Variants in FILIP1 observed in about 807,000 individuals in gnomAD.
FILIP1 encodes the protein filamin A interacting protein 1.
In FILIP1, 61 loss-of-function variants were observed where a neutral mutation model predicts 102.1. The ratio of observed to expected loss-of-function variants is 0.60; its 90% CI spans 0.49 to 0.74. FILIP1 has a LOEUF of 0.74. FILIP1 is among the 30% of genes least tolerant of loss of function. FILIP1 has a pLI of 0.00. For synonymous variants in FILIP1, 491 were observed against 526.9 expected (o/e 0.93, Z 0.93); for missense variants, 1,314 against 1,441.2 (o/e 0.91, Z 1.43).
At chr6:75,322,946 G>GA (rs1773713622) in intron 4 of FILIP1, among the ~76,000 whole-genome samples, 1 of 152,032 alleles carries the variant, frequency 6.6e-6, no homozygotes, top group Non-Finnish European at 1.5e-5. Context: ...CACCCACCTC[G>GA]GCCTCCCAAA....
downstream of FILIP1, among the ~76,000 whole-genome samples, chr6:75,305,331 G>A (rs1368010794): frequency 6.6e-6 from 1 of 152,170 alleles, no homozygotes; most frequent in Non-Finnish European, 1.5e-5. Flanking sequence ...TGGGGAATGA[G>A]AAATTTAAAT....
chr6:75,359,848 C>T (rs1460566587), intron 3 of FILIP1, among the ~76,000 whole-genome samples: 4 of 152,102 alleles, frequency 2.6e-5, no homozygotes, highest in African/African-American at 2.4e-5. Flanking sequence ...CCCTCTAAAG[C>T]GATGGGCTTC....
chr6:75,299,556 G>A (rs1397971176), intron 6 of FILIP1, among the ~76,000 whole-genome samples: 1 of 152,052 alleles, frequency 6.6e-6, no homozygotes, highest in African/African-American at 2.4e-5. Context: ...ATATACATAT[G>A]AGACACTGAG....
At chr6:75,323,002 A>C (rs1773715496) in intron 4 of FILIP1, among the ~76,000 whole-genome samples, 1 of 152,180 alleles carries the variant, frequency 6.6e-6, no homozygotes, top group African/African-American at 2.4e-5. Context: ...CCAAAATTAT[A>C]CTTTTTAACT....
chr6:75,386,133 G>C (rs1776088151), intron 2 of FILIP1: 1 of 152,134 alleles, frequency 6.6e-6, no homozygotes, highest in Non-Finnish European at 1.5e-5. Flanking sequence ...AAAAATTATT[G>C]TTTCAGACAA....
intron 1 of FILIP1, among the ~76,000 whole-genome samples, chr6:75,480,050 T>C (rs1450836095): frequency 6.6e-6 from 1 of 152,046 alleles, no homozygotes; most frequent in Non-Finnish European, 1.5e-5. Context: ...TATGTTTTAC[T>C]GGCTTTTTGT....
At chr6:75,415,884 A>G (rs1204611721) in intron 1 of FILIP1, among the ~76,000 whole-genome samples, 1 of 152,154 alleles carries the variant, frequency 6.6e-6, no homozygotes, top group African/African-American at 2.4e-5. Flanking sequence ...TCTCTGAGCA[A>G]AAGAATTCTA....
intron 4 of FILIP1, among the ~76,000 whole-genome samples, chr6:75,333,265 A>G (rs974157387): frequency 1.2e-4 from 18 of 152,218 alleles, no homozygotes; most frequent in African/African-American, 4.3e-4. Flanking sequence ...TTTTTGAATT[A>G]TTATGTTAAC....
Position 75,393,441 on chromosome 6 carries a change from G to A in FILIP1, c.276+21256C>T, listed in dbSNP as rs58520270. ...AAAGATCTTTTAAGTAAAAAGCCAA[G>A]TTTTTAAAAAGTAAAAAAGAATATT... On this transcript the variant is annotated intron_variant, in intron 2 of 5. Transcript: ENST00000237172. 3.7e-3 allele frequency among the ~76,000 whole-genome samples: 560 copies of A among 152,164 alleles called. 1 individual carries two copies. The highest frequency in any genetic ancestry group is 0.013 in the African/African-American group (537 of 41,544).
rs373738171 is a variant in FILIP1, at chr6:75,417,505, T to C, written c.-6-2527A>G. On this transcript the variant is annotated intron_variant, in intron 1 of 5. Coordinates refer to ENST00000237172, the MANE Select transcript of FILIP1 (RefSeq NM_015687.5). The stretch of plus-strand genomic sequence containing the variant: ...CACTTTAAAATGCTTTATTCTATTT[T>C]GGAGGGGGAAAACATCCAAGCAATA... 3.1e-4 allele frequency among the ~76,000 whole-genome samples: 47 copies of C among 152,332 alleles called. No individual in the cohort carries two copies. In the East Asian group the frequency reaches 8.7e-3, roughly 28 times the overall value.
chr6:75,296,027 T>G, intron 6 of FILIP1: 1 of 1,010,772 alleles, frequency 9.9e-7, no homozygotes, highest in Non-Finnish European at 1.3e-6. Flanking sequence ...CACTAAAAGA[T>G]CATAGATGTT....
intron 1 of FILIP1, among the ~76,000 whole-genome samples, chr6:75,471,055 G>A (rs1367194001): frequency 1.3e-5 from 2 of 150,540 alleles, no homozygotes; most frequent in African/African-American, 4.9e-5. Context: ...AGCTACTCAG[G>A]AAGCTAAGGT....
chr6:75,382,377 C>A (rs2149642939), intron 2 of FILIP1, among the ~76,000 whole-genome samples: 1 of 152,292 alleles, frequency 6.6e-6, no homozygotes, highest in East Asian at 1.9e-4. Flanking sequence ...TTATTTCCTG[C>A]ACTCACAGCT....
rs111521261 is a variant in FILIP1 at position 75,327,033 on chromosome 6, C to T, written c.630-11831G>A. On this transcript the variant is annotated intron_variant, in intron 4 of 5. Transcript: ENST00000237172. ...CTGCTGACATCAATCCATTCAGTAG[C>T]GTGGACATTGTCATTCAATTAGCTG... 2.1e-3 allele frequency among the ~76,000 whole-genome samples: 322 copies of T among 152,050 alleles called. 1 individual carries two copies. The highest frequency in any genetic ancestry group is 7.4e-3 in the African/African-American group (307 of 41,464).
chr6:75,372,996 A>G (rs1170504310), intron 2 of FILIP1, among the ~76,000 whole-genome samples: 1 of 152,220 alleles, frequency 6.6e-6, no homozygotes, highest in African/African-American at 2.4e-5. Context: ...TGTTCATAGT[A>G]ATATTATTCA....
At chr6:75,319,989 A>AT in intron 4 of FILIP1, 1 of 339,818 alleles carries the variant, frequency 2.9e-6, no homozygotes, top group South Asian at 4.5e-5. Flanking sequence ...ATGTTTAGTT[A>AT]TTTTTCTTCA....
chr6:75,312,900 T>C lies in FILIP1; in HGVS notation c.2932A>G (p.Met978Val). 6.2e-7 allele frequency: 1 copy of C among 1,614,222 alleles called. No homozygotes were observed. The highest frequency in any genetic ancestry group is 8.5e-7 in the Non-Finnish European group (1 of 1,180,044). Residue 978 changes from methionine to valine, a missense_variant, in exon 5 of 6, where the codon ATG becomes GTG. Transcript: ENST00000237172. ...GDTTLGPERAMSPVTITTFSR... is the reference protein window; with the variant it reads ...GDTTLGPERAVSPVTITTFSR... ...AATGTAGTAATTGTGACTGGGGACA[T>C]GGCTCGTTCTGGGCCAAGAGTAGTA...
intron 1 of FILIP1, among the ~76,000 whole-genome samples, chr6:75,480,261 C>A (rs544556695): frequency 1.3e-5 from 2 of 152,128 alleles, no homozygotes; most frequent in South Asian, 4.2e-4. Flanking sequence ...TTTTATAATA[C>A]TACATTTTTA....
At chr6:75,426,813 A>G (rs1431611360) in intron 1 of FILIP1, among the ~76,000 whole-genome samples, 1 of 152,140 alleles carries the variant, frequency 6.6e-6, no homozygotes, top group Non-Finnish European at 1.5e-5. Flanking sequence ...GTGACCCATT[A>G]CAGTTACACA....
Sources: gnomAD v4.1 joint callset for allele counts (sites outside exome capture counted in the v4.1 genomes callset) on GRCh38, gnomAD v4.1.1 for gene constraint, MANE v1.5 for transcripts, NCBI Gene and HGNC (gene_info 2026-07-23, HGNC 2026-07-21) for gene names.